The following KLHL2 variants were observed in gnomAD, a reference collection of about 807,000 sequenced individuals.
The protein encoded by KLHL2 is kelch like family member 2, also known as kelch-like protein 2.
In KLHL2, 15 loss-of-function variants were observed where a neutral mutation model predicts 75.8. The observed-to-expected ratio is 0.20, with a 90% CI of 0.13 to 0.30. The LOEUF (loss-of-function observed/expected upper bound fraction) is 0.30. Among genes scored for constraint, KLHL2 ranks in the 10% least tolerant of loss-of-function variants. KLHL2 has a pLI of 1.00. For missense variants in KLHL2, 381 were observed against 741.0 expected (o/e 0.51, Z 5.64); for synonymous variants, 214 against 251.9 (o/e 0.85, Z 1.42).
chr4:165,278,299 G>C, intron 5 of KLHL2: 1 of 1,075,148 alleles, frequency 9.3e-7, no homozygotes, highest in Non-Finnish European at 1.5e-6. Flanking sequence ...CGGGCATCAA[G>C]GGCTTCACTA....
intron 13 of KLHL2, among the ~76,000 whole-genome samples, chr4:165,315,435 T>C (rs753509038): frequency 3.1e-4 from 47 of 152,316 alleles, no homozygotes; most frequent in Middle Eastern, 3.4e-3. Context: ...TTTCATATTT[T>C]GATTTAGACA....
chr4:165,275,688 T>C (rs1447500595), intron 5 of KLHL2, among the ~76,000 whole-genome samples: 1 of 152,230 alleles, frequency 6.6e-6, no homozygotes, highest in Non-Finnish European at 1.5e-5. Context: ...GCAGTCCTCC[T>C]GCCTTGGCTT....
chr4:165,291,786 G>C (rs1003660262), intron 5 of KLHL2, among the ~76,000 whole-genome samples: 2 of 151,838 alleles, frequency 1.3e-5, no homozygotes, highest in Non-Finnish European at 2.9e-5. Context: ...AAATGGGGTA[G>C]TATTTGCATA....
At chr4:165,315,304 T>C (rs761457785) in intron 13 of KLHL2, among the ~76,000 whole-genome samples, 15 of 152,200 alleles carry the variant, frequency 9.9e-5, no homozygotes, top group Non-Finnish European at 1.8e-4. Context: ...ATTCACTCAT[T>C]TAGGTAGAAG....
chr4:165,208,927 T>A (rs1442760372), intron 1 of KLHL2, among the ~76,000 whole-genome samples: 1 of 152,262 alleles, frequency 6.6e-6, no homozygotes. Context: ...TGTGGTTATT[T>A]GGCAGAATTC....
At chr4:165,267,773 C>G (rs1560787149) in intron 5 of KLHL2, among the ~76,000 whole-genome samples, 1 of 152,066 alleles carries the variant, frequency 6.6e-6, no homozygotes, top group Non-Finnish European at 1.5e-5. Context: ...CTAAAATTCT[C>G]TTTTTTTGTT....
intron 5 of KLHL2, among the ~76,000 whole-genome samples, chr4:165,282,268 G>A (rs1422836436): frequency 6.6e-6 from 1 of 152,176 alleles, no homozygotes; most frequent in Admixed American, 6.5e-5. Flanking sequence ...CAGCAAGTGT[G>A]CAGTAACTGT....
chr4:165,311,597 G>A, intron 11 of KLHL2, 32 bp downstream of exon 11: 1 of 1,488,414 alleles, frequency 6.7e-7, no homozygotes, highest in Non-Finnish European at 9.3e-7. Context: ...AGGTACATGT[G>A]GCATTTTGAT....
intron 5 of KLHL2, among the ~76,000 whole-genome samples, chr4:165,268,122 A>T (rs1241597965): frequency 3.3e-5 from 5 of 152,156 alleles, no homozygotes; most frequent in African/African-American, 4.8e-5. Flanking sequence ...GTATTCTCTC[A>T]TGGTAGTTTG....
At chr4:165,286,351 T>C (rs1254452147) in intron 5 of KLHL2, among the ~76,000 whole-genome samples, 1 of 151,920 alleles carries the variant, frequency 6.6e-6, no homozygotes, top group Admixed American at 6.6e-5. Flanking sequence ...AACATTGGGG[T>C]TTGGGGGGAG....
intron 10 of KLHL2, among the ~76,000 whole-genome samples, 162 bp downstream of exon 10, chr4:165,310,912 T>C (rs1579181171): frequency 6.7e-6 from 1 of 150,052 alleles, no homozygotes; most frequent in African/African-American, 2.5e-5. Flanking sequence ...TGGAGTACAG[T>C]GGCGCAATCT....
chr4:165,232,727 A>T (rs1738999333), intron 3 of KLHL2, among the ~76,000 whole-genome samples: 1 of 152,132 alleles, frequency 6.6e-6, no homozygotes, highest in African/African-American at 2.4e-5. Flanking sequence ...CAACAGAGTG[A>T]GAATATGACC....
chr4:165,217,830 G>A (rs1398740127), intron 1 of KLHL2, among the ~76,000 whole-genome samples: 1 of 152,142 alleles, frequency 6.6e-6, no homozygotes, highest in Non-Finnish European at 1.5e-5. Context: ...GTGATTTGAT[G>A]CCTTCACTTG....
At chr4:165,286,585 A>G (rs934803125) in intron 5 of KLHL2, among the ~76,000 whole-genome samples, 2 of 152,162 alleles carry the variant, frequency 1.3e-5, no homozygotes, top group African/African-American at 4.8e-5. Flanking sequence ...ATTAAGCTTA[A>G]AATCAGCAGA....
intron 1 of KLHL2, among the ~76,000 whole-genome samples, chr4:165,216,341 C>A (rs1056827351): frequency 3.3e-5 from 5 of 152,076 alleles, no homozygotes; most frequent in African/African-American, 9.7e-5. Flanking sequence ...GGATCCAAAC[C>A]CTGGGAAACC....
At chr4:165,255,241 A>G (rs1425519610) in intron 4 of KLHL2, among the ~76,000 whole-genome samples, 1 of 152,222 alleles carries the variant, frequency 6.6e-6, no homozygotes, top group African/African-American at 2.4e-5. Flanking sequence ...TTCATTAATT[A>G]TAACATTGGA....
chr4:165,230,593 T>G (rs2111047132), intron 3 of KLHL2, among the ~76,000 whole-genome samples: 1 of 152,182 alleles, frequency 6.6e-6, no homozygotes, highest in South Asian at 2.1e-4. Context: ...GATAAATGTT[T>G]TATTGTCCAC....
chr4:165,313,493 T>A, intron 12 of KLHL2, 127 bp downstream of exon 12: 1 of 785,908 alleles, frequency 1.3e-6, no homozygotes, highest in Non-Finnish European at 1.8e-6. Context: ...GTGGCACTGC[T>A]AAATGTCTTT....
chr4:165,208,718 G>C (rs1737008481), intron 1 of KLHL2, among the ~76,000 whole-genome samples: 1 of 152,186 alleles, frequency 6.6e-6, no homozygotes, highest in South Asian at 2.1e-4. Context: ...ATACCCAGGA[G>C]TTTCGAAAAT....
Sources: allele counts gnomAD v4.1 joint callset (sites outside exome capture counted in the v4.1 genomes callset), GRCh38; gene constraint gnomAD v4.1.1; transcripts MANE v1.5; gene names NCBI Gene and HGNC (gene_info 2026-07-23, HGNC 2026-07-21).